CHST9: variants seen among roughly 807,000 people sequenced by gnomAD.
The protein encoded by CHST9 is carbohydrate sulfotransferase 9.
A neutral mutation model predicts 44.4 loss-of-function variants in CHST9; 41 were observed. The ratio of observed to expected loss-of-function variants is 0.92; its 90% confidence interval spans 0.72 to 1.20. The LOEUF is 1.20. Among genes scored for constraint, CHST9 ranks in the 50% most tolerant of loss-of-function variants. CHST9 has a pLI of 0.00. For synonymous variants in CHST9, 171 were observed against 178.4 expected (o/e 0.96, Z 0.33); for missense variants, 504 against 516.5 (o/e 0.98, Z 0.23).
At chr18:26,950,541 A>G (rs2056231017) in intron 4 of CHST9, among the ~76,000 whole-genome samples, 1 of 152,226 alleles carries the variant, frequency 6.6e-6, no homozygotes, top group Admixed American at 6.5e-5. Context: ...CTACTCAGCC[A>G]TAAAATGGAA....
rs567534304 is a variant in CHST9, at chr18:27,061,533, C to A, written c.122-13030G>T. Among the ~76,000 whole-genome samples, 5 of 152,274 alleles carry A rather than the reference C, an allele frequency of 3.3e-5. No homozygotes were observed. The South Asian group carries it at 1.0e-3, about 32-fold the overall frequency. On this transcript the variant is annotated intron_variant, in intron 2 of 5. Coordinates refer to ENST00000618847, the MANE Select transcript of CHST9 (RefSeq NM_031422.6). Reference sequence around the variant, plus strand: ...CAGGTGTCTGTATATGGCATCCACACCTTTCCTAGACCATGCACTGAGTAC... The same window carrying A: ...CAGGTGTCTGTATATGGCATCCACAACTTTCCTAGACCATGCACTGAGTAC...
intron 1 of CHST9, among the ~76,000 whole-genome samples, chr18:27,143,432 A>G (rs761455010): frequency 6.6e-6 from 1 of 152,152 alleles, no homozygotes; most frequent in Non-Finnish European, 1.5e-5. Flanking sequence ...AAATAATAAA[A>G]GGTCAGGGTT....
intron 4 of CHST9, among the ~76,000 whole-genome samples, chr18:26,983,626 C>A (rs546598358): frequency 6.6e-6 from 1 of 152,244 alleles, no homozygotes; most frequent in African/African-American, 2.4e-5. Context: ...TCAAGTATTT[C>A]TTTATAGCAA....
chr18:27,016,100 A>G (rs1399479817), intron 4 of CHST9, among the ~76,000 whole-genome samples: 1 of 152,154 alleles, frequency 6.6e-6, no homozygotes, highest in Non-Finnish European at 1.5e-5. Flanking sequence ...TTATAAATGT[A>G]AGTTACTTTT....
intron 4 of CHST9, among the ~76,000 whole-genome samples, chr18:26,990,891 C>A (rs868588467): frequency 9.9e-5 from 15 of 152,108 alleles, no homozygotes; most frequent in African/African-American, 3.6e-4. Context: ...CTCTTCAGGC[C>A]TATCTTATTT....
At chr18:27,179,694 C>A (rs2058896582) in intron 1 of CHST9, among the ~76,000 whole-genome samples, 1 of 151,980 alleles carries the variant, frequency 6.6e-6, no homozygotes, top group Admixed American at 6.6e-5. Context: ...ACTGTATAAC[C>A]TGGTACATAA....
chr18:26,993,768 G>C (rs982866934), intron 4 of CHST9, among the ~76,000 whole-genome samples: 4 of 152,216 alleles, frequency 2.6e-5, no homozygotes, highest in African/African-American at 9.7e-5. Context: ...TGGAAACTGT[G>C]AACTGAGATT....
Position 27,184,498 on chromosome 18 carries a change from C to T in CHST9, c.-97+638G>A, listed in dbSNP as rs185914601. On this transcript the variant is annotated intron_variant, in intron 1 of 5. Transcript: ENST00000618847. ...CCTTCTCCCCGCAACCCACTTGGAG[C>T]CCCTCCTCAGATCGCCCCTCCCAAC... 5.3e-5 allele frequency among the ~76,000 whole-genome samples: 8 copies of T among 152,212 alleles called. No individual in the cohort carries two copies. The East Asian group carries it at 1.4e-3, about 26-fold the overall frequency.
intron 2 of CHST9, among the ~76,000 whole-genome samples, chr18:27,097,700 G>A (rs1026065319): frequency 1.3e-5 from 2 of 152,026 alleles, no homozygotes; most frequent in Non-Finnish European, 2.9e-5. Flanking sequence ...TTCTTCTAGG[G>A]TTTTTATGGT....
chr18:26,936,438 G>C (rs2055993850), intron 5 of CHST9: 1 of 151,806 alleles, frequency 6.6e-6, no homozygotes, highest in Non-Finnish European at 1.5e-5. Flanking sequence ...CTGTATTTTA[G>C]AATGCATATT....
chr18:27,047,370 A>G (rs561320124), intron 3 of CHST9, among the ~76,000 whole-genome samples: 116 of 146,076 alleles, frequency 7.9e-4, no homozygotes, highest in African/African-American at 3.0e-3. Flanking sequence ...GGACTCAGAC[A>G]CTTTCTTGCC....
chr18:26,944,224 C>A, intron 5 of CHST9, 105 bp downstream of exon 5: 1 of 842,446 alleles, frequency 1.2e-6, no homozygotes, highest in Non-Finnish European at 2.0e-6. Flanking sequence ...ATATATTGCT[C>A]ATAACTAACA....
chr18:26,918,037 C>T (rs2145049282), intron 5 of CHST9, among the ~76,000 whole-genome samples: 1 of 152,276 alleles, frequency 6.6e-6, no homozygotes, highest in Non-Finnish European at 1.5e-5. Context: ...ACTTGACGTC[C>T]TGCTCTATAA....
At chr18:27,028,251 A>C (rs1169829510) in intron 3 of CHST9, among the ~76,000 whole-genome samples, 3 of 152,172 alleles carry the variant, frequency 2.0e-5, no homozygotes, top group Non-Finnish European at 2.9e-5. Flanking sequence ...AATTTTATTG[A>C]GTCTTTACAA....
At chr18:27,108,653 A>G (rs1447836583) in intron 2 of CHST9, among the ~76,000 whole-genome samples, 1 of 152,192 alleles carries the variant, frequency 6.6e-6, no homozygotes, top group Non-Finnish European at 1.5e-5. Context: ...TTACAAAGAA[A>G]CATCTCAATA....
chr18:27,036,392 A>T (rs1339376552), intron 3 of CHST9, among the ~76,000 whole-genome samples: 1 of 152,232 alleles, frequency 6.6e-6, no homozygotes. Context: ...GTGGCAATCC[A>T]ACTAGACCTC....
intron 2 of CHST9, among the ~76,000 whole-genome samples, chr18:27,129,865 C>A (rs775965234): frequency 2.0e-5 from 3 of 151,802 alleles, no homozygotes; most frequent in Admixed American, 1.3e-4. Context: ...TCTTGCTCCT[C>A]GTGGTGCATC....
At chr18:26,974,927 G>C (rs371917115) in intron 4 of CHST9, among the ~76,000 whole-genome samples, 3 of 152,222 alleles carry the variant, frequency 2.0e-5, no homozygotes, top group East Asian at 3.9e-4. Context: ...CACCTGCCTC[G>C]GACTTCCAAA....
At chr18:27,061,935 G>A (rs1419806228) in intron 2 of CHST9, among the ~76,000 whole-genome samples, 3 of 152,112 alleles carry the variant, frequency 2.0e-5, no homozygotes, top group East Asian at 1.9e-4. Flanking sequence ...AACCTTTGCC[G>A]ACATAAAGGC....
Sources: gnomAD v4.1 joint callset for allele counts (sites outside exome capture counted in the v4.1 genomes callset) on GRCh38, gnomAD v4.1.1 for gene constraint, MANE v1.5 for transcripts, NCBI Gene and HGNC (gene_info 2026-07-23, HGNC 2026-07-21) for gene names.